Variants in AFF1 observed in about 807,000 individuals in gnomAD.
AFF1 encodes the protein AF4/FMR2 family member 1.
In AFF1, 48 loss-of-function variants were observed where a neutral mutation model predicts 121.7. The ratio of observed to expected loss-of-function variants is 0.39; its 90% CI spans 0.31 to 0.50. AFF1 has a LOEUF of 0.50. Among genes scored for constraint, AFF1 ranks in the 20% least tolerant of loss-of-function variants. The pLI, the probability that AFF1 is intolerant of heterozygous loss-of-function variation, is 0.76. For synonymous variants in AFF1, 613 were observed against 563.0 expected (o/e 1.09, Z -1.26); for missense variants, 1,523 against 1,511.7 (o/e 1.01, Z -0.12).
chr4:86,998,614 C>T (rs745914132), intron 2 of AFF1, among the ~76,000 whole-genome samples: 2 of 152,226 alleles, frequency 1.3e-5, no homozygotes, highest in Non-Finnish European at 2.9e-5. Context: ...AACAAACATA[C>T]TGTATTGTAC....
At chr4:87,056,566 A>T (rs1390501722) in intron 4 of AFF1, among the ~76,000 whole-genome samples, 3 of 152,146 alleles carry the variant, frequency 2.0e-5, no homozygotes, top group Non-Finnish European at 4.4e-5. Flanking sequence ...TTGTGAAAAA[A>T]TTTTTTCCTA....
Position 87,134,625 on chromosome 4 carries a change from A to G in AFF1, c.3466A>G (p.Ile1156Val). 1 of 1,614,160 alleles carries G rather than the reference A, an allele frequency of 6.2e-7. No individual in the cohort carries two copies. Among genetic ancestry groups the G allele is most frequent in the Non-Finnish European group, 8.5e-7 (1 of 1,180,026 alleles). The change falls in exon 20 of 21, where the codon ATC becomes GTC. Residue 1156 changes from isoleucine to valine, a missense_variant. Ile to Val is a conservative substitution (Grantham distance 29, BLOSUM62 3). Around this residue, in one of 5 missense-constraint regions of AFF1, gnomAD observed 241 missense variants for 265.2 expected, o/e 0.91. Transcript: ENST00000395146. ...GAATATGACATCTTCCTATGTCACCATCACATCCCATGTTCTTACCGCCTT... is the reference window on the plus strand; with the variant it reads ...GAATATGACATCTTCCTATGTCACCGTCACATCCCATGTTCTTACCGCCTT... ...IQNMTSSYVTITSHVLTAFDL... is the reference protein window; with the variant it reads ...IQNMTSSYVTVTSHVLTAFDL...
rs371700581 is a variant in AFF1 at position 87,064,606 on chromosome 4, C to T, written c.1059+17012C>T. Among the ~76,000 whole-genome samples, 13 of 152,104 alleles carry T rather than the reference C, an allele frequency of 8.5e-5. No individual in the cohort carries two copies. In the East Asian group the frequency reaches 1.2e-3, roughly 14 times the overall value. On this transcript the variant is annotated intron_variant, in intron 4 of 20. Transcript: ENST00000395146. ...CATTTTAAAAATTAGCGGCTGGGCA[C>T]GGTGGCTCATGTCTATAATCTCAGC...
At chr4:87,038,154 A>C (rs1158509914) in intron 2 of AFF1, among the ~76,000 whole-genome samples, 5 of 152,190 alleles carry the variant, frequency 3.3e-5, no homozygotes, top group Admixed American at 2.0e-4. Context: ...TCAGATTGTA[A>C]GACTTTGTTT....
chr4:87,127,242 C>T, intron 15 of AFF1, 125 bp downstream of exon 15: 3 of 780,566 alleles, frequency 3.8e-6, no homozygotes, highest in Non-Finnish European at 6.4e-6. Flanking sequence ...CTCACTGCAA[C>T]CTCCACCTCC....
chr4:86,982,877 G>GAAAAAAAAAAAAA (rs1723885745), intron 2 of AFF1, among the ~76,000 whole-genome samples: 1 of 127,162 alleles, frequency 7.9e-6, no homozygotes, highest in African/African-American at 3.5e-5. Flanking sequence ...AAAAAAAAAG[G>GAAAAAAAAAAAAA]AAGCTTGTTT....
At chr4:87,064,878 G>GAAAA (rs397932923) in intron 4 of AFF1, among the ~76,000 whole-genome samples, 3 of 139,072 alleles carry the variant, frequency 2.2e-5, no homozygotes, top group Non-Finnish European at 1.5e-5. Context: ...CGTCTCAAAA[G>GAAAA]AAAAAAAAAA....
intron 4 of AFF1, among the ~76,000 whole-genome samples, chr4:87,065,395 A>C (rs1275526749): frequency 6.6e-6 from 1 of 152,152 alleles, no homozygotes; most frequent in African/African-American, 2.4e-5. Context: ...GGAATTCAAG[A>C]TGAGATTTGG....
rs1281817683 is a variant in AFF1, at chr4:87,111,012, ATT to A, written c.1533+2709_1533+2710del. ...ACTTAAACTTTATTTTTTTTTTTTT[ATT>A]TTTTTTTTTTTGAGACGGAGTCTCG... On this transcript the variant is annotated intron_variant, in intron 11 of 20. Coordinates refer to ENST00000395146, the MANE Select transcript of AFF1 (RefSeq NM_001166693.3). Among the ~76,000 whole-genome samples, 2 of 29,270 alleles carry A rather than the reference ATT, an allele frequency of 6.8e-5. 1 individual carries two copies. Among genetic ancestry groups the A allele is most frequent in the African/African-American group, 1.8e-4 (2 of 11,232 alleles). The allele number at this position is 29,270 out of a possible 152,430, so 19.2% of individuals were successfully genotyped here. A position where few individuals can be genotyped will look rare whatever the true frequency, so the allele number is the denominator to read the frequency against.
chr4:87,010,487 G>A (rs2149535336), intron 2 of AFF1, among the ~76,000 whole-genome samples: 1 of 152,244 alleles, frequency 6.6e-6, no homozygotes, highest in East Asian at 1.9e-4. Flanking sequence ...CAACAAACTT[G>A]CTTTCTTTGA....
intron 11 of AFF1, among the ~76,000 whole-genome samples, chr4:87,109,913 C>T (rs1485569913): frequency 2.0e-5 from 3 of 152,178 alleles, no homozygotes. Context: ...GTGTTATATA[C>T]TGAGGCTTAT....
intron 4 of AFF1, among the ~76,000 whole-genome samples, chr4:87,071,484 T>C (rs1412991903): frequency 1.3e-5 from 2 of 152,178 alleles, no homozygotes; most frequent in African/African-American, 2.4e-5. Flanking sequence ...GTATGCCAGT[T>C]AAAGAAATTC....
At chr4:87,024,486 A>G (rs1403525731) in intron 2 of AFF1, among the ~76,000 whole-genome samples, 3 of 152,014 alleles carry the variant, frequency 2.0e-5, no homozygotes. Flanking sequence ...ATGGTAGGGT[A>G]TTTGTAACTT....
In AFF1 at chr4:86,969,879, C is replaced by CAAAAAAAAA. The variant is rs70953629; in HGVS notation, c.38+21318_38+21326dup. On this transcript the variant is annotated intron_variant, in intron 2 of 20. Coordinates refer to ENST00000395146, the MANE Select transcript of AFF1 (RefSeq NM_001166693.3). The stretch of plus-strand genomic sequence containing the variant: ...TGGGCGGAAGAGCGAGACTCCGTCT[C>CAAAAAAAAA]AAAAAAAAAAAAAAAAAAGGTAAGA... Among the ~76,000 whole-genome samples the CAAAAAAAAA allele has an allele frequency of 3.9e-3, 247 of 63,582 alleles. 30 individuals are homozygous for CAAAAAAAAA. The highest frequency in any genetic ancestry group is 0.012 in the African/African-American group (230 of 18,570). 41.7% of individuals were successfully genotyped at this position (63,582 alleles called of 152,430 possible).
At chr4:87,111,280 G>A (rs1222694532) in intron 11 of AFF1, among the ~76,000 whole-genome samples, 2 of 28,238 alleles carry the variant, frequency 7.1e-5, no homozygotes, top group Admixed American at 5.5e-4. Context: ...GCCTCCCAAA[G>A]TGCTGGGATT....
At chr4:86,998,801 TTA>T (rs1725455073) in intron 2 of AFF1, among the ~76,000 whole-genome samples, 1 of 152,146 alleles carries the variant, frequency 6.6e-6, no homozygotes, top group Non-Finnish European at 1.5e-5. Flanking sequence ...GAGATCAGTG[TTA>T]TAAATTCAGA....
chr4:87,025,926 G>C (rs1383852536), intron 2 of AFF1, among the ~76,000 whole-genome samples: 2 of 152,156 alleles, frequency 1.3e-5, no homozygotes, highest in Admixed American at 1.3e-4. Flanking sequence ...AGACACTCCT[G>C]GGTGCTCTGT....
At chr4:87,122,397 C>G (rs1443495092) in intron 12 of AFF1, among the ~76,000 whole-genome samples, 2 of 152,216 alleles carry the variant, frequency 1.3e-5, no homozygotes, top group African/African-American at 4.8e-5. Flanking sequence ...AGTGTTAGCA[C>G]TCTGAGTTGT....
At position 86,969,879 on chromosome 4, in the gene AFF1, CAAA is replaced by C. The variant is rs70953629; in HGVS notation, c.38+21324_38+21326del. 1.1e-4 allele frequency among the ~76,000 whole-genome samples: 7 copies of C among 63,630 alleles called. 1 individual carries two copies. Among genetic ancestry groups the C allele is most frequent in the Admixed American group, 4.2e-4 (2 of 4,744 alleles). 41.7% of individuals were successfully genotyped at this position (63,630 alleles called of 152,430 possible). On this transcript the variant is annotated intron_variant, in intron 2 of 20. Transcript: ENST00000395146. ...TGGGCGGAAGAGCGAGACTCCGTCT[CAAA>C]AAAAAAAAAAAAAAAGGTAAGATAG...
Sources: gnomAD v4.1 joint callset for allele counts (sites outside exome capture counted in the v4.1 genomes callset) on GRCh38, gnomAD v4.1.1 for gene constraint, gnomAD v4.1.1 regional missense constraint, MANE v1.5 for transcripts, NCBI Gene and HGNC (gene_info 2026-07-23, HGNC 2026-07-21) for gene names.